CRY1: variants seen among roughly 807,000 people sequenced by gnomAD.
CRY1 encodes cryptochrome-1.
Under a neutral mutation model 76.0 loss-of-function variants are expected in CRY1, and 45 were observed. That is an observed-to-expected ratio of 0.59 (90% confidence interval 0.47 to 0.76). The LOEUF (loss-of-function observed/expected upper bound fraction) is 0.76. Ranked by LOEUF, CRY1 falls within the 30% of genes least tolerant of loss-of-function variation. The pLI is 0.00. For synonymous variants in CRY1, 248 were observed against 244.0 expected, an observed-to-expected ratio of 1.02 and a Z score of -0.15; for missense variants, 587 against 716.4, an observed-to-expected ratio of 0.82 and a Z score of 2.06.
intron 5 of CRY1, among the ~76,000 whole-genome samples, chr12:107,000,899 G>A (rs556566017): frequency 1.1e-3 from 163 of 151,622 alleles, no homozygotes; most frequent in Non-Finnish European, 1.9e-3. Context: ...ATCCACCTGC[G>A]TCAGCCTCCC....
At chr12:107,037,239 C>A (rs1439950468) in intron 1 of CRY1, among the ~76,000 whole-genome samples, 2 of 152,088 alleles carry the variant, frequency 1.3e-5, no homozygotes, top group African/African-American at 4.8e-5. Flanking sequence ...TATGCTTGGA[C>A]ATCAAATAGT....
intron 1 of CRY1, among the ~76,000 whole-genome samples, chr12:107,078,706 T>C (rs1324125048): frequency 6.6e-6 from 1 of 152,178 alleles, no homozygotes; most frequent in African/African-American, 2.4e-5. Flanking sequence ...GTGCTTCAAA[T>C]TGGTCAACAA....
At chr12:107,072,492 G>T (rs1164696346) in intron 1 of CRY1, among the ~76,000 whole-genome samples, 1 of 152,116 alleles carries the variant, frequency 6.6e-6, no homozygotes, top group Non-Finnish European at 1.5e-5. Context: ...GACCCAAATT[G>T]CTTTATAGGT....
intron 1 of CRY1, among the ~76,000 whole-genome samples, chr12:107,046,996 C>T (rs1019696127): frequency 6.6e-6 from 1 of 152,138 alleles, no homozygotes; most frequent in Non-Finnish European, 1.5e-5. Context: ...CAAAGAAACA[C>T]TGGACTTAAA....
At chr12:107,032,194 A>G (rs925485258) in intron 1 of CRY1, among the ~76,000 whole-genome samples, 4 of 152,258 alleles carry the variant, frequency 2.6e-5, no homozygotes, top group Middle Eastern at 6.8e-3. Flanking sequence ...TCGGCCTCCC[A>G]AAGTGCTGGG....
chr12:107,019,910 C>G (rs538367304), intron 2 of CRY1, among the ~76,000 whole-genome samples: 1 of 152,050 alleles, frequency 6.6e-6, no homozygotes, highest in Non-Finnish European at 1.5e-5. Context: ...CAGAGCGAAA[C>G]CCTGTCTCCC....
chr12:107,023,588 G>A (rs11611220), intron 1 of CRY1, among the ~76,000 whole-genome samples: 20,791 of 152,160 alleles, frequency 0.14, 2,511 homozygotes, highest in African/African-American at 0.32. Context: ...TGACATAAGT[G>A]CACTAGTCAG....
chr12:107,000,124 T>C, intron 5 of CRY1, 42 bp from the exon 6 acceptor site: 1 of 1,531,668 alleles, frequency 6.5e-7, no homozygotes, highest in Non-Finnish European at 8.7e-7. Context: ...AATTGTCTTT[T>C]TCATTTTAAA....
In CRY1 at chr12:107,014,424, A is replaced by G. The variant is rs534018861; in HGVS notation, c.267+7660T>C. The stretch of plus-strand genomic sequence containing the variant: ...CAGGGAAAAAAAGCACAAGTATATC[A>G]AGAAGAAAAGCTTCTTCTCTCCTGC... On this transcript the variant is annotated intron_variant, in intron 2 of 12. Transcript: ENST00000008527. Among the ~76,000 whole-genome samples, 3 of 152,304 alleles carry G rather than the reference A, an allele frequency of 2.0e-5. No individual in the cohort carries two copies. The East Asian group carries it at 5.8e-4, about 29-fold the overall frequency.
At chr12:107,043,895 A>G (rs1483110520) in intron 1 of CRY1, among the ~76,000 whole-genome samples, 1 of 152,006 alleles carries the variant, frequency 6.6e-6, no homozygotes, top group African/African-American at 2.4e-5. Flanking sequence ...TCAGATTCCT[A>G]AACTGCAGCT....
chr12:107,093,302 G>GC lies in CRY1; in HGVS notation c.-342dup, dbSNP rs1953499244. The GC allele has an allele frequency of 4.1e-6, 1 of 243,564 alleles. No individual in the cohort carries two copies. Among genetic ancestry groups the GC allele is most frequent in the South Asian group, 1.2e-4 (1 of 8,680 alleles). 15.1% of individuals were successfully genotyped at this position (243,564 alleles called of 1,614,324 possible). ...TCCAGGAGCTCGAGCCGCCACGACG[G>GC]CCCGAGCCGGCACGGACGGCCCCAG... On this transcript the variant is annotated 5_prime_UTR_variant, in exon 1 of 13. Transcript: ENST00000008527.
At chr12:107,091,168 T>G (rs1953467921) in intron 1 of CRY1, among the ~76,000 whole-genome samples, 1 of 152,010 alleles carries the variant, frequency 6.6e-6, no homozygotes, top group Admixed American at 6.6e-5. Flanking sequence ...GCCTCCTGAG[T>G]GGCTGAGATA....
intron 1 of CRY1, among the ~76,000 whole-genome samples, chr12:107,062,172 A>T (rs1382433556): frequency 1.3e-5 from 2 of 152,058 alleles, no homozygotes; most frequent in Non-Finnish European, 2.9e-5. Context: ...TTGACATCGT[A>T]TTATGAATAA....
At chr12:107,033,341 T>A (rs1264315628) in intron 1 of CRY1, among the ~76,000 whole-genome samples, 2 of 152,142 alleles carry the variant, frequency 1.3e-5, no homozygotes, top group African/African-American at 4.8e-5. Flanking sequence ...GAATAGATAA[T>A]TCTATTTTTA....
intron 1 of CRY1, among the ~76,000 whole-genome samples, chr12:107,035,751 T>A (rs1952726302): frequency 6.6e-6 from 1 of 152,192 alleles, no homozygotes; most frequent in East Asian, 1.9e-4. Context: ...TCGGGGGGTA[T>A]AATTTTATGC....
chr12:107,072,353 C>T (rs1188703382), intron 1 of CRY1, among the ~76,000 whole-genome samples: 1 of 152,166 alleles, frequency 6.6e-6, no homozygotes, highest in African/African-American at 2.4e-5. Context: ...ATTACAGAGT[C>T]ACCAGCTACT....
At chr12:107,069,561 A>ATATATATATAAAGTATATATATAAAG (rs1242325144) in intron 1 of CRY1, among the ~76,000 whole-genome samples, 1 of 72,900 alleles carries the variant, frequency 1.4e-5, no homozygotes, top group African/African-American at 5.0e-5. Flanking sequence ...TATATATATA[A>ATATATATATAAAGTATATATATAAAG]TATATATATA....
At chr12:107,019,372 A>C (rs1267650822) in intron 2 of CRY1, among the ~76,000 whole-genome samples, 3 of 152,238 alleles carry the variant, frequency 2.0e-5, no homozygotes, top group Non-Finnish European at 4.4e-5. Context: ...ACAGACTACT[A>C]TATGTAGCTA....
chr12:107,091,592 C>A (rs1470872651), intron 1 of CRY1, among the ~76,000 whole-genome samples: 1 of 152,198 alleles, frequency 6.6e-6, no homozygotes, highest in Non-Finnish European at 1.5e-5. Flanking sequence ...CATTACTTCT[C>A]TGCTCATAAT....
Sources: gnomAD v4.1 joint callset for allele counts (sites outside exome capture counted in the v4.1 genomes callset) on GRCh38, gnomAD v4.1.1 for gene constraint, MANE v1.5 for transcripts, NCBI Gene and HGNC (gene_info 2026-07-23, HGNC 2026-07-21) for gene names.